Variants in GLRA3 observed in about 807,000 individuals in gnomAD.
GLRA3 encodes glycine receptor alpha 3.
GLRA3 carries 44 observed loss-of-function variants against 60.4 expected under a neutral mutation model. That is an observed-to-expected ratio of 0.73 (90% CI 0.57 to 0.94). GLRA3 has a LOEUF of 0.94. Ranked by LOEUF, GLRA3 falls within the 40% of genes least tolerant of loss-of-function variation. GLRA3 has a pLI of 0.00. For missense variants in GLRA3, 508 were observed against 564.6 expected (o/e 0.90, Z 1.02); for synonymous variants, 223 against 192.9 (o/e 1.16, Z -1.29).
chr4:174,750,337 A>G (rs1737417080), intron 3 of GLRA3, among the ~76,000 whole-genome samples: 1 of 152,148 alleles, frequency 6.6e-6, no homozygotes, highest in Non-Finnish European at 1.5e-5. Context: ...GCTGACTGAA[A>G]GCTGGGCCTA....
At chr4:174,720,920 C>T (rs1736104094) in intron 4 of GLRA3, among the ~76,000 whole-genome samples, 4 of 152,030 alleles carry the variant, frequency 2.6e-5, no homozygotes, top group African/African-American at 9.7e-5. Flanking sequence ...ACAAAGGCTA[C>T]CTCTCTGACA....
chr4:174,644,510 T>C (rs948976110), intron 9 of GLRA3, among the ~76,000 whole-genome samples: 2 of 144,174 alleles, frequency 1.4e-5, no homozygotes, highest in Admixed American at 6.6e-5. Context: ...ACAAACCTTT[T>C]AAAGTTTTTC....
chr4:174,707,873 T>C (rs189150097), intron 5 of GLRA3, among the ~76,000 whole-genome samples: 23 of 152,276 alleles, frequency 1.5e-4, no homozygotes, highest in African/African-American at 5.1e-4. Flanking sequence ...CTGTAGTCAA[T>C]ATGCTTAGAA....
At chr4:174,803,115 C>G (rs1027899496) in intron 1 of GLRA3, among the ~76,000 whole-genome samples, 1 of 151,996 alleles carries the variant, frequency 6.6e-6, no homozygotes, top group African/African-American at 2.4e-5. Flanking sequence ...AATCTTTATA[C>G]AATTTATTGG....
rs535308966 is a variant in GLRA3, at chr4:174,781,227, C to T, written c.199+7589G>A. On this transcript the variant is annotated intron_variant, in intron 2 of 9. Transcript: ENST00000274093. ...TCCTGAATGACTACTGGGTACATAA[C>T]GAAATGAAGGCAGAAATAAAGATGT... Among the ~76,000 whole-genome samples, 851 of 151,516 alleles carry T rather than the reference C, an allele frequency of 5.6e-3. 11 individuals are homozygous for T. The highest frequency in any genetic ancestry group is 0.019 in the African/African-American group (802 of 41,274).
At chr4:174,758,248 T>A (rs1737796206) in intron 3 of GLRA3, among the ~76,000 whole-genome samples, 1 of 152,180 alleles carries the variant, frequency 6.6e-6, no homozygotes, top group South Asian at 2.1e-4. Context: ...AAAAAGGAGT[T>A]ACTTTACAAT....
At chr4:174,815,562 G>A (rs1740458514) in intron 1 of GLRA3, among the ~76,000 whole-genome samples, 1 of 152,178 alleles carries the variant, frequency 6.6e-6, no homozygotes, top group Non-Finnish European at 1.5e-5. Flanking sequence ...TGAAATCTGG[G>A]TGGAGGTTCC....
intron 3 of GLRA3, among the ~76,000 whole-genome samples, chr4:174,737,012 C>G (rs1039298152): frequency 1.3e-5 from 2 of 152,192 alleles, no homozygotes; most frequent in Admixed American, 1.3e-4. Flanking sequence ...ACAGCTTCAT[C>G]TTGCATACAA....
intron 5 of GLRA3, among the ~76,000 whole-genome samples, chr4:174,709,403 T>C (rs1735626801): frequency 6.6e-6 from 1 of 152,068 alleles, no homozygotes; most frequent in African/African-American, 2.4e-5. Context: ...AGGTTTCTCC[T>C]AATAAAATAT....
chr4:174,688,736 T>G (rs895350539), intron 5 of GLRA3, among the ~76,000 whole-genome samples: 5 of 151,830 alleles, frequency 3.3e-5, no homozygotes, highest in African/African-American at 4.8e-5. Flanking sequence ...AACTAGATAT[T>G]GGAAATGAGT....
intron 3 of GLRA3, among the ~76,000 whole-genome samples, chr4:174,753,034 T>C (rs902750761): frequency 9.9e-5 from 15 of 152,186 alleles, no homozygotes; most frequent in Admixed American, 6.5e-5. Flanking sequence ...TTCCCTTTTG[T>C]TTTAAAACCA....
intron 1 of GLRA3, among the ~76,000 whole-genome samples, chr4:174,792,288 G>T (rs1231637678): frequency 6.6e-6 from 1 of 151,654 alleles, no homozygotes; most frequent in Non-Finnish European, 1.5e-5. Flanking sequence ...AGCAGGGTTG[G>T]TTTCCTCCGA....
chr4:174,821,670 A>T (rs1389013495), intron 1 of GLRA3, among the ~76,000 whole-genome samples: 2 of 152,210 alleles, frequency 1.3e-5, no homozygotes, highest in Admixed American at 6.5e-5. Flanking sequence ...TAATGAAAAA[A>T]GTTGAGAAAT....
chr4:174,647,831 T>A (rs1194206473), intron 9 of GLRA3, among the ~76,000 whole-genome samples: 1 of 152,304 alleles, frequency 6.6e-6, no homozygotes, highest in South Asian at 2.1e-4. Context: ...AAACCTGGCA[T>A]GTGTTTTACA....
chr4:174,751,955 A>C (rs1000061229), intron 3 of GLRA3, among the ~76,000 whole-genome samples: 5 of 152,092 alleles, frequency 3.3e-5, no homozygotes, highest in African/African-American at 1.2e-4. Context: ...GGCATAATGA[A>C]AAAAAGTGTT....
chr4:174,811,614 C>T (rs1740279875), intron 1 of GLRA3, among the ~76,000 whole-genome samples: 1 of 152,126 alleles, frequency 6.6e-6, no homozygotes, highest in African/African-American at 2.4e-5. Flanking sequence ...ATATGTAATA[C>T]TTACAAGTCA....
intron 3 of GLRA3, among the ~76,000 whole-genome samples, chr4:174,743,832 T>C (rs1737121634): frequency 6.6e-6 from 1 of 152,148 alleles, no homozygotes; most frequent in African/African-American, 2.4e-5. Context: ...GGTGTTCAAA[T>C]TGAAAAAAAA....
intron 1 of GLRA3, among the ~76,000 whole-genome samples, chr4:174,795,119 T>C (rs1485550187): frequency 1.3e-5 from 2 of 151,728 alleles, no homozygotes; most frequent in Non-Finnish European, 2.9e-5. Context: ...CTTCTGCTAA[T>C]ATATAAATTT....
At chr4:174,745,639 A>T (rs1737212208) in intron 3 of GLRA3, among the ~76,000 whole-genome samples, 1 of 152,164 alleles carries the variant, frequency 6.6e-6, no homozygotes, top group South Asian at 2.1e-4. Context: ...GACAAATGAG[A>T]CCATATTAAA....
Sources: gnomAD v4.1 joint callset for allele counts (sites outside exome capture counted in the v4.1 genomes callset) on GRCh38, gnomAD v4.1.1 for gene constraint, MANE v1.5 for transcripts, NCBI Gene and HGNC (gene_info 2026-07-23, HGNC 2026-07-21) for gene names.